ESF1: variants seen among roughly 807,000 people sequenced by gnomAD.
The protein encoded by ESF1 is ESF1 nucleolar pre-rRNA processing protein, also known as ESF1 homolog.
In ESF1, 58 loss-of-function variants were observed where a neutral mutation model predicts 92.0. The ratio of observed to expected loss-of-function variants is 0.63; its 90% confidence interval spans 0.51 to 0.78. The LOEUF is 0.78. ESF1 is among the 30% of genes least tolerant of loss of function. The probability of loss-of-function intolerance (pLI) is 0.00; values close to 1 mark genes in which losing one functional copy is unlikely to be tolerated. For missense variants in ESF1, 922 were observed against 989.1 expected (o/e 0.93, Z 0.91); for synonymous variants, 321 against 313.7 (o/e 1.02, Z -0.24).
Position 13,714,724 on chromosome 20 carries a change from A to C in ESF1, c.*150T>G. The C allele has an allele frequency of 1.4e-6, 1 of 721,904 alleles. No individual in the cohort carries two copies. Among genetic ancestry groups the C allele is most frequent in the South Asian group, 2.3e-5 (1 of 43,848 alleles). The allele number at this position is 721,904 out of a possible 1,614,324, so 44.7% of individuals were successfully genotyped here. A position where few individuals can be genotyped will look rare whatever the true frequency, so the allele number is the denominator to read the frequency against. On this transcript the variant is annotated 3_prime_UTR_variant, in exon 14 of 14. Transcript: ENST00000617257. Reference sequence around the variant, plus strand: ...TGTCAGTCATCCACAATTAAGTACAATTATTTATGGAGAAAAATTTTACTA... The same window carrying C: ...TGTCAGTCATCCACAATTAAGTACACTTATTTATGGAGAAAAATTTTACTA...
intron 2 of ESF1, among the ~76,000 whole-genome samples, chr20:13,777,207 T>C (rs1399381214): frequency 6.6e-6 from 1 of 152,192 alleles, no homozygotes; most frequent in African/African-American, 2.4e-5. Context: ...GCAGTATGTA[T>C]GCAGAGATGT....
At chr20:13,729,539 G>A (rs550826854) in intron 10 of ESF1, among the ~76,000 whole-genome samples, 6 of 152,302 alleles carry the variant, frequency 3.9e-5, no homozygotes, top group African/African-American at 1.4e-4. Flanking sequence ...ATGGGAGGTG[G>A]CATTTTCTCT....
At chr20:13,748,147 CT>C (rs1978364646) in intron 9 of ESF1, among the ~76,000 whole-genome samples, 1 of 152,180 alleles carries the variant, frequency 6.6e-6, no homozygotes, top group African/African-American at 2.4e-5. Context: ...TTTTCCATAG[CT>C]TGCCTTATAA....
chr20:13,776,126 C>T lies in ESF1; in HGVS notation c.782G>A (p.Ser261Asn). ...SDEESENEIT[S>N]VGRASGDDDG... Reference sequence around the variant, plus strand: ...GTCATCACCTGAAGCTCTACCAACACTTGTAATTTCATTTTCAGATTCCTC... The same window carrying T: ...GTCATCACCTGAAGCTCTACCAACATTTGTAATTTCATTTTCAGATTCCTC... Residue 261 changes from serine to asparagine, a missense_variant, in exon 3 of 14, where the codon AGT becomes AAT. Physicochemically the swap from Ser to Asn is conservative, Grantham distance 46 (BLOSUM62 1). Transcript: ENST00000617257. 6.2e-7 allele frequency: 1 copy of T among 1,613,926 alleles called. No individual in the cohort carries two copies. The highest frequency in any genetic ancestry group is 8.5e-7 in the Non-Finnish European group (1 of 1,179,894).
chr20:13,746,706 A>G (rs1023828607), intron 9 of ESF1, among the ~76,000 whole-genome samples: 2 of 152,220 alleles, frequency 1.3e-5, no homozygotes, highest in African/African-American at 4.8e-5. Flanking sequence ...GGTACAACCT[A>G]AACAGCATTT....
chr20:13,716,446 CAT>C (rs1212588275), intron 13 of ESF1, among the ~76,000 whole-genome samples: 1 of 152,076 alleles, frequency 6.6e-6, no homozygotes, highest in Non-Finnish European at 1.5e-5. Flanking sequence ...AGGATCACTA[CAT>C]GTGATTCTAA....
At chr20:13,721,408 A>G (rs2147719101) in intron 11 of ESF1, among the ~76,000 whole-genome samples, 1 of 152,296 alleles carries the variant, frequency 6.6e-6, no homozygotes, top group Middle Eastern at 3.4e-3. Flanking sequence ...ACAGAGGCAA[A>G]GCAGGACAGA....
At chr20:13,730,043 G>A (rs897544466) in intron 10 of ESF1, among the ~76,000 whole-genome samples, 8 of 151,672 alleles carry the variant, frequency 5.3e-5, no homozygotes, top group Middle Eastern at 3.5e-3. Context: ...TATTTATTTT[G>A]ACATTAATGT....
chr20:13,720,440 A>G (rs893565129), intron 11 of ESF1, among the ~76,000 whole-genome samples: 18 of 152,210 alleles, frequency 1.2e-4, no homozygotes, highest in African/African-American at 4.3e-4. Flanking sequence ...CCTATGAAGT[A>G]TGCTTGCCAA....
intron 8 of ESF1, among the ~76,000 whole-genome samples, chr20:13,761,413 T>A (rs1263442515): frequency 1.8e-4 from 25 of 139,682 alleles, no homozygotes; most frequent in African/African-American, 5.0e-4. Flanking sequence ...TACAAAAAAT[T>A]AAAAAAAAAA....
intron 2 of ESF1, among the ~76,000 whole-genome samples, chr20:13,781,903 G>A (rs1221945705): frequency 1.3e-5 from 2 of 152,154 alleles, no homozygotes; most frequent in Non-Finnish European, 2.9e-5. Context: ...TTGAGACAGA[G>A]TCTCGCTCTG....
At chr20:13,745,168 T>C (rs147689061) in intron 9 of ESF1, among the ~76,000 whole-genome samples, 15 of 152,352 alleles carry the variant, frequency 9.8e-5, no homozygotes, top group African/African-American at 3.4e-4. Flanking sequence ...GAGTATAAGA[T>C]GGCACAAGCA....
chr20:13,773,095 A>T (rs1855914535), intron 4 of ESF1, among the ~76,000 whole-genome samples: 1 of 152,234 alleles, frequency 6.6e-6, no homozygotes, highest in African/African-American at 2.4e-5. Flanking sequence ...AACTGACGAC[A>T]ACCTTATACA....
At chr20:13,727,047 C>T (rs563465338) in intron 11 of ESF1, among the ~76,000 whole-genome samples, 1 of 152,174 alleles carries the variant, frequency 6.6e-6, no homozygotes, top group African/African-American at 2.4e-5. Flanking sequence ...GTGTTGATTC[C>T]AAAAAACTGG....
chr20:13,761,639 C>T (rs1472057839), intron 8 of ESF1, among the ~76,000 whole-genome samples: 2 of 151,974 alleles, frequency 1.3e-5, no homozygotes, highest in Non-Finnish European at 2.9e-5. Flanking sequence ...CTTACTCCAA[C>T]GATCTCATTA....
At chr20:13,744,482 C>T (rs555935402) in intron 9 of ESF1, among the ~76,000 whole-genome samples, 3 of 152,326 alleles carry the variant, frequency 2.0e-5, no homozygotes, top group Non-Finnish European at 4.4e-5. Context: ...ATCTCCATTT[C>T]CCATCTCACA....
At chr20:13,761,076 C>T (rs191289134) in intron 8 of ESF1, among the ~76,000 whole-genome samples, 1,925 of 152,018 alleles carry the variant, frequency 0.013, 17 homozygotes, top group Non-Finnish European at 0.021. Flanking sequence ...GATCTATGAC[C>T]TTACCCCCAA....
At chr20:13,783,815 C>CA (rs890337311) in intron 1 of ESF1, among the ~76,000 whole-genome samples, 5 of 151,680 alleles carry the variant, frequency 3.3e-5, no homozygotes, top group Admixed American at 2.0e-4. Flanking sequence ...CCCTGTCTAC[C>CA]AAAAAAAAGT....
At position 13,782,627 on chromosome 20, in the gene ESF1, T is replaced by C; in HGVS notation, c.514A>G (p.Ile172Val). ...TQKNKKEKKN[I>V]VQHTTDSSLE... is the part of the protein sequence containing the mutation. The stretch of plus-strand genomic sequence containing the variant: ...GAAGAGTCTGTAGTATGTTGAACAA[T>C]GTTTTTTTTCTCTTTCTTATTTTTT... The change falls in exon 2 of 14, where the codon ATT becomes GTT. Residue 172 changes from isoleucine to valine, a missense_variant. Physicochemically the swap from Ile to Val is conservative, Grantham distance 29. Transcript: ENST00000617257. The C allele has an allele frequency of 1.2e-6, 2 of 1,608,236 alleles. No homozygotes were observed. The highest frequency in any genetic ancestry group is 2.2e-5 in the East Asian group (1 of 44,728).
Sources: gnomAD v4.1 joint callset for allele counts (sites outside exome capture counted in the v4.1 genomes callset) on GRCh38, gnomAD v4.1.1 for gene constraint, MANE v1.5 for transcripts, NCBI Gene and HGNC (gene_info 2026-07-23, HGNC 2026-07-21) for gene names.